The following RGS6 variants were observed in gnomAD, a reference collection of about 807,000 sequenced individuals.
The protein encoded by RGS6 is regulator of G protein signaling 6.
RGS6 carries 30 observed loss-of-function variants against 78.5 expected under a neutral mutation model. The observed-to-expected ratio is 0.38, with a 90% CI of 0.29 to 0.52. RGS6 has a LOEUF of 0.52. Among genes scored for constraint, RGS6 ranks in the 20% least tolerant of loss-of-function variants. RGS6 has a pLI of 0.85. For missense variants in RGS6, 495 were observed against 609.7 expected (o/e 0.81, Z 1.98); for synonymous variants, 206 against 206.0 (o/e 1.00, Z 0.00).
At chr14:72,601,036 A>G in the RGS6 span, among the ~76,000 whole-genome samples, 1 of 144,992 alleles carries the variant, frequency 6.9e-6, no homozygotes, top group African/African-American at 2.5e-5. Context: ...GAGGAGGAAG[A>G]GGAGGAGAAG....
At chr14:72,363,246 G>A (rs1291996021) in intron 3 of RGS6, among the ~76,000 whole-genome samples, 1 of 152,218 alleles carries the variant, frequency 6.6e-6, no homozygotes, top group African/African-American at 2.4e-5. Context: ...TCACATCCAT[G>A]AAGTGGATGG....
At chr14:72,076,244 AG>A (rs1443641035) in intron 2 of RGS6, among the ~76,000 whole-genome samples, 1 of 152,172 alleles carries the variant, frequency 6.6e-6, no homozygotes, top group African/African-American at 2.4e-5. Flanking sequence ...AATATTCTAT[AG>A]CTGTTCCTTT....
At chr14:72,055,620 T>G (rs1424779892) in intron 2 of RGS6, among the ~76,000 whole-genome samples, 5 of 152,184 alleles carry the variant, frequency 3.3e-5, no homozygotes, top group Admixed American at 2.0e-4. Flanking sequence ...GACTCTGATT[T>G]CTTTGGAGCC....
intron 2 of RGS6, among the ~76,000 whole-genome samples, chr14:72,079,674 A>G (rs76394792): frequency 0.048 from 7,371 of 152,002 alleles, 339 homozygotes; most frequent in African/African-American, 0.12. Flanking sequence ...TTTGTCCTTT[A>G]CCCAACATCT....
At chr14:72,554,213 G>A (rs183034419) in intron 17 of RGS6, among the ~76,000 whole-genome samples, 51 of 152,316 alleles carry the variant, frequency 3.3e-4, no homozygotes, top group Admixed American at 1.0e-3. Flanking sequence ...TCTAGGCTCC[G>A]CCTTTTCAGC....
At chr14:71,964,671 T>C in intron 1 of RGS6, 101 bp from the exon 2 acceptor site, 1 of 734,602 alleles carries the variant, frequency 1.4e-6, no homozygotes, top group Middle Eastern at 4.0e-4. Flanking sequence ...ATCATGTTTT[T>C]GTTCATGGCA....
chr14:72,616,299 C>A, the RGS6 span, among the ~76,000 whole-genome samples: 1 of 152,180 alleles, frequency 6.6e-6, no homozygotes, highest in Non-Finnish European at 1.5e-5. Context: ...TAAAAGTCAC[C>A]TTTCCATTCT....
chr14:72,023,443 T>G (rs545575611), intron 2 of RGS6, among the ~76,000 whole-genome samples: 2 of 152,304 alleles, frequency 1.3e-5, no homozygotes, highest in African/African-American at 4.8e-5. Flanking sequence ...CTCAAGGGAT[T>G]AAAACTAGAT....
At chr14:72,414,507 C>T (rs4387540) in intron 3 of RGS6, among the ~76,000 whole-genome samples, 12,356 of 152,120 alleles carry the variant, frequency 0.081, 1,128 homozygotes, top group African/African-American at 0.23. Context: ...GCCATTGGTT[C>T]GAACTTCCTC....
At chr14:71,879,710 C>T in the RGS6 span, among the ~76,000 whole-genome samples, 1 of 152,324 alleles carries the variant, frequency 6.6e-6, no homozygotes, top group Admixed American at 6.5e-5. Context: ...GAGATCTCCC[C>T]AGCCATGTGG....
intron 2 of RGS6, among the ~76,000 whole-genome samples, chr14:72,147,061 A>G (rs1295402477): frequency 1.3e-5 from 2 of 152,184 alleles, no homozygotes; most frequent in African/African-American, 4.8e-5. Flanking sequence ...ATTACTGTCC[A>G]TGTTTCTACC....
intron 3 of RGS6, among the ~76,000 whole-genome samples, chr14:72,385,419 T>C (rs1227042504): frequency 1.3e-5 from 2 of 152,204 alleles, no homozygotes; most frequent in African/African-American, 2.4e-5. Flanking sequence ...GGAGGGATTG[T>C]TGGTAGCCAA....
rs1222002630 is a variant in RGS6 at position 72,312,127 on chromosome 14, G to A, written c.85-39968G>A. On this transcript the variant is annotated intron_variant, in intron 2 of 17. Coordinates refer to ENST00000553525, the MANE Select transcript of RGS6 (RefSeq NM_001204424.2). ...CCTTTGCTCATTCTGCGCAAGGATC[G>A]CTCCCCTCAGAGTTTCTGCAGGGGA... 5.3e-5 allele frequency among the ~76,000 whole-genome samples: 8 copies of A among 151,924 alleles called. No homozygotes were observed. The East Asian group carries it at 5.8e-4, about 11-fold the overall frequency.
At chr14:72,581,755 A>G in the RGS6 span, among the ~76,000 whole-genome samples, 3 of 152,140 alleles carry the variant, frequency 2.0e-5, no homozygotes, top group African/African-American at 7.2e-5. Context: ...CCAGTACTTG[A>G]CCCCAAGAGC....
At chr14:72,623,284 T>C in the RGS6 span, among the ~76,000 whole-genome samples, 1 of 151,998 alleles carries the variant, frequency 6.6e-6, no homozygotes. Flanking sequence ...TTTTACACAG[T>C]CATAAAACAA....
intron 2 of RGS6, among the ~76,000 whole-genome samples, chr14:72,104,988 T>C (rs1237992586): frequency 2.6e-5 from 4 of 152,244 alleles, no homozygotes; most frequent in Non-Finnish European, 5.9e-5. Flanking sequence ...GTCGAAAACA[T>C]GTTTCTGGAT....
rs557561271 is a variant in RGS6, at chr14:72,006,487, T to A, written c.84+41612T>A. 1.3e-4 allele frequency among the ~76,000 whole-genome samples: 20 copies of A among 152,312 alleles called. No homozygotes were observed. In the South Asian group the frequency reaches 4.1e-3, roughly 32 times the overall value. ...CTAACCTATGGAAAGCTAGCTGTTG[T>A]GACGATAGGCAATGTATGCAGAGAG... On this transcript the variant is annotated intron_variant, in intron 2 of 17. Transcript: ENST00000553525.
At chr14:72,182,848 G>A (rs1266888691) in intron 2 of RGS6, among the ~76,000 whole-genome samples, 1 of 152,200 alleles carries the variant, frequency 6.6e-6, no homozygotes, top group Non-Finnish European at 1.5e-5. Context: ...ACAAAGCTGT[G>A]TCTTGAAGAG....
the RGS6 span, among the ~76,000 whole-genome samples, chr14:72,623,217 C>A: frequency 2.8e-3 from 433 of 152,142 alleles, 2 homozygotes; most frequent in African/African-American, 9.9e-3. Flanking sequence ...AAGTAGAGAG[C>A]TACATTTCTT....
Sources: allele counts gnomAD v4.1 joint callset (sites outside exome capture counted in the v4.1 genomes callset), GRCh38; gene constraint gnomAD v4.1.1; transcripts MANE v1.5; gene names NCBI Gene and HGNC (gene_info 2026-07-23, HGNC 2026-07-21).